The following CUL7 variants were observed in gnomAD, a reference collection of about 807,000 sequenced individuals.
CUL7 encodes the protein cullin 7.
In CUL7, 96 loss-of-function variants were observed where a neutral mutation model predicts 177.7. The ratio of observed to expected loss-of-function variants is 0.54; its 90% CI spans 0.46 to 0.64. The LOEUF (loss-of-function observed/expected upper bound fraction) is 0.64, where lower values mean the gene tolerates loss of function less well. CUL7 is among the 30% of genes least tolerant of loss of function. The pLI, the probability that CUL7 is intolerant of heterozygous loss-of-function variation, is 0.00. For missense variants in CUL7, 1,893 were observed against 2,187.9 expected (o/e 0.87, Z 2.69); for synonymous variants, 824 against 890.2 (o/e 0.93, Z 1.32).
intron 16 of CUL7, among the ~76,000 whole-genome samples, chr6:43,044,093 CG>C (rs1195218555): frequency 5.0e-4 from 75 of 151,356 alleles, no homozygotes; most frequent in African/African-American, 1.8e-3. Context: ...GAGACTGAGG[CG>C]GGTGGATCAC....
rs2150335185 is a variant in CUL7 at position 43,051,189 on chromosome 6, C to T, written c.1012G>A (p.Val338Met). The change falls in exon 4 of 26, where the codon GTG becomes ATG. Residue 338 changes from valine to methionine, a missense_variant. Physicochemically the swap from Val to Met is conservative, Grantham distance 21. Around this residue, in one of 5 missense-constraint regions of CUL7, gnomAD observed 653 missense variants for 725.2 expected, o/e 0.90. Transcript: ENST00000265348. The surrounding 1 kb of genome is among the most constrained non-coding windows in gnomAD (Gnocchi z 5.0). ...TGGGCAGCGGGGAGCCCTGGGCTCA[C>T]ATCTGCCAGCTGAGGCTGGAAGATG... is the stretch of plus-strand genomic sequence containing the variant. The part of the protein sequence containing the change: ...GSIFQPQLAD[V>M]SPGLPAAQAQ... 1 of 1,614,240 alleles carries T rather than the reference C, an allele frequency of 6.2e-7. No individual in the cohort carries two copies. The highest frequency in any genetic ancestry group is 1.7e-5 in the Admixed American group (1 of 60,030).
In CUL7 at chr6:43,040,486, T is replaced by G; in HGVS notation, c.4023+44A>C. On this transcript the variant is annotated intron_variant, in intron 21 of 25. Transcript: ENST00000265348. The surrounding 1 kb of genome is among the most constrained non-coding windows in gnomAD (Gnocchi z 4.2). ...TCCTCCAGTCTGCTCCACGCCCCTC[T>G]TCCCCCTACCCTCTTATTTGCTTAT... is the stretch of plus-strand genomic sequence containing the variant. 6.2e-7 allele frequency: 1 copy of G among 1,612,914 alleles called. No individual in the cohort carries two copies. Among genetic ancestry groups the G allele is most frequent in the Non-Finnish European group, 8.5e-7 (1 of 1,179,964 alleles).
chr6:43,045,694 C>T lies in CUL7; in HGVS notation c.2767-12G>A, dbSNP rs1554137699. On this transcript the variant is annotated splice_polypyrimidine_tract_variant and intron_variant, in intron 13 of 25. Transcript: ENST00000265348. This position sits in a 1 kb window ranked among gnomAD's most constrained non-coding sequence, Gnocchi z 4.8. ...GGCATCACATTCACCTGGCAGGGGG[C>T]AGAGAAAGCTGTCACCTCCACACAT... 4.3e-6 allele frequency: 7 copies of T among 1,614,028 alleles called. No individual in the cohort carries two copies. In the East Asian group the frequency reaches 1.3e-4, roughly 31 times the overall value.
intron 11 of CUL7, 51 bp from the exon 12 acceptor site, chr6:43,046,458 G>A (rs1763914341): frequency 6.2e-7 from 1 of 1,614,042 alleles, no homozygotes; most frequent in African/African-American, 1.3e-5. Flanking sequence ...GGGTGTAGAG[G>A]GGAAACAGAC....
In CUL7 at chr6:43,046,220, T is replaced by G. The variant is rs750065787; in HGVS notation, c.2660+16A>C. 1.4e-5 allele frequency: 23 copies of G among 1,613,936 alleles called. No homozygotes were observed. The African/African-American group carries it at 2.4e-4, about 17-fold the overall frequency. ...AAGCACACGTGTGTGGCAAAGCACA[T>G]GTGTGGGAGAGTTACCTGATGAGGA... On this transcript the variant is annotated intron_variant, in intron 12 of 25. Coordinates refer to ENST00000265348, the MANE Select transcript of CUL7 (RefSeq NM_014780.5).
chr6:43,046,506 C>G lies in CUL7; in HGVS notation c.2488+5G>C. ...AGGTGGAGCAACACGGCAACAGGCA[C>G]GAACCCTGGCACAGGTATCTGAGGA... On this transcript the variant is annotated splice_donor_5th_base_variant and intron_variant, in intron 11 of 25. Coordinates refer to ENST00000265348, the MANE Select transcript of CUL7 (RefSeq NM_014780.5). 1 of 1,614,122 alleles carries G rather than the reference C, an allele frequency of 6.2e-7. No homozygotes were observed. The highest frequency in any genetic ancestry group is 1.3e-5 in the African/African-American group (1 of 75,006).
In CUL7 at chr6:43,051,555, G is replaced by T; in HGVS notation, c.732+57C>A. 2.5e-6 allele frequency: 4 copies of T among 1,613,908 alleles called. 1 individual carries two copies. In the South Asian group the frequency reaches 4.4e-5, roughly 18 times the overall value. On this transcript the variant is annotated intron_variant, in intron 3 of 25. Transcript: ENST00000265348. This position sits in a 1 kb window ranked among gnomAD's most constrained non-coding sequence, Gnocchi z 5.0. ...CCATCCTCTGCAGATAGGTGCAAAG[G>T]CCTGGACCCTAGATCTTGTTCACAA...
At position 43,053,256 on chromosome 6, in the gene CUL7, G is replaced by A. The variant is rs1581971790; in HGVS notation, c.-9+366C>T. 6.6e-6 allele frequency among the ~76,000 whole-genome samples: 1 copy of A among 152,146 alleles called. No individual in the cohort carries two copies. The highest frequency in any genetic ancestry group is 1.5e-5 in the Non-Finnish European group (1 of 68,032). ...GTGCGAGACCCAAGTTAAGAGTCCC[G>A]AGATCGCAGAGTTAAGAGACCTGAG... On this transcript the variant is annotated intron_variant, in intron 1 of 25. Coordinates refer to ENST00000265348, the MANE Select transcript of CUL7 (RefSeq NM_014780.5). This position sits in a 1 kb window ranked among gnomAD's most constrained non-coding sequence, Gnocchi z 4.1.
At position 43,040,536 on chromosome 6, in the gene CUL7, TTTC is replaced by T; in HGVS notation, c.4014_4016del (p.Lys1339del). 1.2e-6 allele frequency: 2 copies of T among 1,614,098 alleles called. No homozygotes were observed. The highest frequency in any genetic ancestry group is 1.7e-6 in the Non-Finnish European group (2 of 1,180,026). On this transcript the variant is annotated inframe_deletion, in exon 21 of 26. Transcript: ENST00000265348. This position sits in a 1 kb window ranked among gnomAD's most constrained non-coding sequence, Gnocchi z 4.2. ...TCCCTTCCAAGGCACTCACCTGTAT[TTTC>T]TTCTCTGTATCCTCCAGCTTCAGGA...
chr6:43,050,916 G>T lies in CUL7; in HGVS notation c.1233+52C>A. ...CCCCCCATATAGAAGTCCCAGCTCT[G>T]CCCTACCCCAAATAGACCCCCAACA... On this transcript the variant is annotated intron_variant, in intron 4 of 25. Coordinates refer to ENST00000265348, the MANE Select transcript of CUL7 (RefSeq NM_014780.5). The surrounding 1 kb of genome is among the most constrained non-coding windows in gnomAD (Gnocchi z 4.1). 6.2e-7 allele frequency: 1 copy of T among 1,606,914 alleles called. No homozygotes were observed.
chr6:43,052,635 C>A lies in CUL7; in HGVS notation c.154G>T (p.Asp52Tyr), dbSNP rs1451975917. 3 of 1,614,106 alleles carry A rather than the reference C, an allele frequency of 1.9e-6. No individual in the cohort carries two copies. Among genetic ancestry groups the A allele is most frequent in the Non-Finnish European group, 2.5e-6 (3 of 1,180,048 alleles). ...CAGTCCACTTGGCCAGAGCCCCCGTCCCCCTCATCGCCACGCCGCAGGATG... is the reference window on the plus strand; with the variant it reads ...CAGTCCACTTGGCCAGAGCCCCCGTACCCCTCATCGCCACGCCGCAGGATG... The part of the protein sequence containing the change: ...WLILRRGDEG[D>Y]GGSGQVDCKA... Residue 52 changes from aspartate to tyrosine, a missense_variant, in exon 2 of 26, where the codon GAC becomes TAC. By Grantham distance (160) the Asp-to-Tyr change is radical. Coordinates refer to ENST00000265348, the MANE Select transcript of CUL7 (RefSeq NM_014780.5). This position sits in a 1 kb window ranked among gnomAD's most constrained non-coding sequence, Gnocchi z 4.5.
Position 43,037,961 on chromosome 6 carries a change from G to C in CUL7, c.4824C>G (p.Ser1608Arg), listed in dbSNP as rs771301109. ...KGPCPPRGLVSSLGKGSACSS... is the reference protein window; with the variant it reads ...KGPCPPRGLVRSLGKGSACSS... ...TGCATGCAGACCCCTTACCAAGGCT[G>C]CTGACCAAACCCCTGGGAGGACACG... Residue 1608 changes from serine (S) to arginine (R), a missense_variant, in exon 26 of 26, where the codon AGC (serine) becomes AGG (arginine). Ser to Arg is a moderately radical substitution (Grantham distance 110, BLOSUM62 -1). This residue lies in a region of CUL7 where 248 missense variants were observed against 262.5 expected (regional missense o/e 0.94). Transcript: ENST00000265348. 1 of 1,597,084 alleles carries C rather than the reference G, an allele frequency of 6.3e-7. No homozygotes were observed.
chr6:43,052,633 G>A lies in CUL7; in HGVS notation c.156C>T (p.Asp52=), dbSNP rs368209176. The A allele has an allele frequency of 1.1e-5, 18 of 1,614,068 alleles. No individual in the cohort carries two copies. In the African/African-American group the frequency reaches 1.9e-4, roughly 17 times the overall value. Residue 52 remains aspartate (D), a synonymous_variant, in exon 2 of 26, where the codon GAC becomes GAT. Transcript: ENST00000265348. The surrounding 1 kb of genome is among the most constrained non-coding windows in gnomAD (Gnocchi z 4.5). ...TGCAGTCCACTTGGCCAGAGCCCCC[G>A]TCCCCCTCATCGCCACGCCGCAGGA... ...WLILRRGDEG[D]GGSGQVDCKA... is the part of the protein sequence containing the mutation.
rs1457391326 is a variant in CUL7, at chr6:43,037,684, A to G, written c.*4T>C. On this transcript the variant is annotated 3_prime_UTR_variant, in exon 26 of 26. Transcript: ENST00000265348. ...TCTACCTTCCCCTGACCCCAAGTCT[A>G]GGGCTACCGGAAGGTAGAGAAGCTC... The G allele has an allele frequency of 4.5e-6, 7 of 1,551,078 alleles. No individual in the cohort carries two copies. The African/African-American group carries it at 9.6e-5, about 21-fold the overall frequency.
rs1292409408 is a variant in CUL7, at chr6:43,053,068, C to T, written c.-8-272G>A. On this transcript the variant is annotated intron_variant, in intron 1 of 25. Transcript: ENST00000265348. The surrounding 1 kb of genome is among the most constrained non-coding windows in gnomAD (Gnocchi z 4.1). Reference sequence around the variant, plus strand: ...GAGTGGGTTGATATGGAACAGTGGGCGGACTAGTGGGGGCAGGGCAGCCTT... The same window carrying T: ...GAGTGGGTTGATATGGAACAGTGGGTGGACTAGTGGGGGCAGGGCAGCCTT... 6.6e-6 allele frequency among the ~76,000 whole-genome samples: 1 copy of T among 151,984 alleles called. No homozygotes were observed. The highest frequency in any genetic ancestry group is 1.5e-5 in the Non-Finnish European group (1 of 67,988).
rs150327473 is a variant in CUL7 at position 43,045,631 on chromosome 6, G to A, written c.2818C>T (p.Arg940Cys). 1.2e-5 allele frequency: 20 copies of A among 1,614,206 alleles called. No individual in the cohort carries two copies. Among genetic ancestry groups the A allele is most frequent in the South Asian group, 2.2e-5 (2 of 91,084 alleles). Reference protein sequence around the residue: ...SRVILLENLTRFWPIIQIRIK... With the variant: ...SRVILLENLTCFWPIIQIRIK... The stretch of plus-strand genomic sequence containing the variant: ...CGGATCTGGATGATGGGCCAGAAGC[G>A]GGTCAGGTTCTCCAGGAGGATCACC... The change falls in exon 14 of 26, where the codon CGC becomes TGC. Residue 940 changes from arginine to cysteine, a missense_variant. Physicochemically the swap from Arg to Cys is radical, Grantham distance 180 (BLOSUM62 -3). This residue lies in a region of CUL7 where 973 missense variants were observed against 1,140.9 expected (regional missense o/e 0.85). Transcript: ENST00000265348. This position sits in a 1 kb window ranked among gnomAD's most constrained non-coding sequence, Gnocchi z 4.8.
Position 43,045,824 on chromosome 6 carries a change from A to C in CUL7, c.2767-142T>G. The stretch of plus-strand genomic sequence containing the variant: ...ACAAAGCTGTCCTCATGCCACCCTC[A>C]TTGTTCAGGGCCTGGTGGCACAAGC... On this transcript the variant is annotated intron_variant, in intron 13 of 25. Transcript: ENST00000265348. This position sits in a 1 kb window ranked among gnomAD's most constrained non-coding sequence, Gnocchi z 4.8. The C allele has an allele frequency of 9.1e-7, 1 of 1,101,820 alleles. No homozygotes were observed. Among genetic ancestry groups the C allele is most frequent in the Non-Finnish European group, 1.4e-6 (1 of 734,446 alleles). 68.3% of individuals were successfully genotyped at this position (1,101,820 alleles called of 1,614,324 possible).
chr6:43,051,668 C>A lies in CUL7; in HGVS notation c.676G>T (p.Ala226Ser). 6.2e-7 allele frequency: 1 copy of A among 1,614,172 alleles called. No individual in the cohort carries two copies. Among genetic ancestry groups the A allele is most frequent in the South Asian group, 1.1e-5 (1 of 91,086 alleles). The change falls in exon 3 of 26, where the codon GCA becomes TCA. Residue 226 changes from alanine to serine, a missense_variant. Physicochemically the swap from Ala to Ser is moderately conservative, Grantham distance 99. This residue lies in a region of CUL7 where 653 missense variants were observed against 725.2 expected (regional missense o/e 0.90). Coordinates refer to ENST00000265348, the MANE Select transcript of CUL7 (RefSeq NM_014780.5). The surrounding 1 kb of genome is among the most constrained non-coding windows in gnomAD (Gnocchi z 5.0). ...GGGTGTTCAGAGAGCGTGGCCTGTGCAAACAGTGCTAGCAGAGCACAGCGG... is the reference window on the plus strand; with the variant it reads ...GGGTGTTCAGAGAGCGTGGCCTGTGAAAACAGTGCTAGCAGAGCACAGCGG... ...DSRCALLALFAQATLSEHPMS... is the reference protein window; with the variant it reads ...DSRCALLALFSQATLSEHPMS...
intron 25 of CUL7, 30 bp downstream of exon 25, chr6:43,038,235 ATC>A: frequency 6.2e-7 from 1 of 1,611,678 alleles, no homozygotes; most frequent in Non-Finnish European, 8.5e-7. Flanking sequence ...CCCAGCAAAG[ATC>A]TGTCACCCAT....
Sources: allele counts gnomAD v4.1 joint callset (sites outside exome capture counted in the v4.1 genomes callset), GRCh38; gene constraint gnomAD v4.1.1; regional missense constraint gnomAD v4.1.1; non-coding constraint Gnocchi (gnomAD v3.1); transcripts MANE v1.5; gene names NCBI Gene and HGNC (gene_info 2026-07-23, HGNC 2026-07-21).